The following DYNC1H1 variants were observed in gnomAD, a reference collection of about 807,000 sequenced individuals.
DYNC1H1 encodes dynein cytoplasmic 1 heavy chain 1, also known as cytoplasmic dynein 1 heavy chain 1.
A neutral mutation model predicts 527.1 loss-of-function variants in DYNC1H1; 51 were observed. The ratio of observed to expected loss-of-function variants is 0.10; its 90% CI spans 0.08 to 0.12. The LOEUF (loss-of-function observed/expected upper bound fraction) is 0.12, where lower values mean the gene tolerates loss of function less well. Among genes scored for constraint, DYNC1H1 ranks in the 10% least tolerant of loss-of-function variants. The pLI is 1.00. For missense variants in DYNC1H1, 2,771 were observed against 5,971.8 expected (o/e 0.46, Z 17.66); for synonymous variants, 2,189 against 2,278.8 (o/e 0.96, Z 1.12).
intron 23 of DYNC1H1, among the ~76,000 whole-genome samples, chr14:102,003,990 C>G (rs939170166): frequency 6.6e-6 from 1 of 151,692 alleles, no homozygotes; most frequent in African/African-American, 2.4e-5. Flanking sequence ...GCCTGTAATC[C>G]CAGCACTTTG....
chr14:102,040,941 G>T (rs568544048), intron 64 of DYNC1H1: 69 of 535,882 alleles, frequency 1.3e-4, no homozygotes, highest in African/African-American at 1.2e-3. Flanking sequence ...CTGGGCAGCA[G>T]ACAGAGGCCT....
intron 10 of DYNC1H1, among the ~76,000 whole-genome samples, chr14:101,989,364 A>C (rs904827567): frequency 6.6e-6 from 1 of 152,230 alleles, no homozygotes; most frequent in Non-Finnish European, 1.5e-5. Flanking sequence ...ATCCCCGGGA[A>C]GAAGGTGGCA....
Position 102,005,948 on chromosome 14 carries a change from A to G in DYNC1H1, c.5494A>G (p.Asn1832Asp), listed in dbSNP as rs1209197570. ...TRSLIKSKIDNAKSFEWLSQM... is the reference protein window; with the variant it reads ...TRSLIKSKIDDAKSFEWLSQM... The stretch of plus-strand genomic sequence containing the variant: ...GTCCTTGATCAAAAGCAAGATTGAC[A>G]ACGCCAAATCTTTTGAATGGCTCAG... The change falls in exon 27 of 78, where the codon AAC (asparagine) becomes GAC (aspartate). Residue 1832 changes from asparagine to aspartate, a missense_variant. By Grantham distance (23) the Asn-to-Asp change is conservative (BLOSUM62 1). Transcript: ENST00000360184. This position sits in a 1 kb window ranked among gnomAD's most constrained non-coding sequence, Gnocchi z 4.0. The G allele has an allele frequency of 6.2e-7, 1 of 1,614,282 alleles. No individual in the cohort carries two copies. Among genetic ancestry groups the G allele is most frequent in the Non-Finnish European group, 8.5e-7 (1 of 1,180,056 alleles).
chr14:102,032,091 TA>T (rs1490579722), intron 51 of DYNC1H1, among the ~76,000 whole-genome samples, 180 bp from the exon 52 acceptor site: 2 of 152,248 alleles, frequency 1.3e-5, no homozygotes, highest in Non-Finnish European at 2.9e-5. Flanking sequence ...AGAGATCAGC[TA>T]CTTACCCTAT....
intron 56 of DYNC1H1, chr14:102,035,522 T>G (rs1440823251): frequency 6.6e-6 from 1 of 152,178 alleles, no homozygotes; most frequent in African/African-American, 2.4e-5. Context: ...GAGTTCCACT[T>G]CTAGGTGTTC....
rs372518648 is a variant in DYNC1H1, at chr14:102,047,923, C to T, written c.13113C>T (p.Asp4371=). ...EKKTRTDSTS[D]GRPAWMRTLH... is the part of the protein sequence containing the mutation. ...AGACGAGGACAGACTCCACGTCCGA[C>T]GGGCGCCCTGCCTGGATGCGGACAC... The change falls in exon 73 of 78, where the codon GAC becomes GAT. Residue 4371 remains aspartate (D), a synonymous_variant. Coordinates refer to ENST00000360184, the MANE Select transcript of DYNC1H1 (RefSeq NM_001376.5). The T allele has an allele frequency of 2.7e-4, 442 of 1,613,418 alleles. No individual in the cohort carries two copies. The highest frequency in any genetic ancestry group is 3.5e-4 in the Non-Finnish European group (413 of 1,180,026).
Position 101,979,392 on chromosome 14 carries a change from C to T in DYNC1H1, c.418C>T (p.Leu140Phe). Reference protein sequence around the residue: ...PVSSQLRVLTLSEDSPYETLH... With the variant: ...PVSSQLRVLTFSEDSPYETLH... ...GTCTTCTCAGCTCCGGGTCCTTACA[C>T]TCAGTGAAGACTCGCCCTACGAAAC... is the stretch of plus-strand genomic sequence containing the variant. Residue 140 changes from leucine to phenylalanine, a missense_variant, in exon 3 of 78, where the codon CTC becomes TTC. Around this residue, in one of 32 missense-constraint regions of DYNC1H1, gnomAD observed 146 missense variants for 288.1 expected, o/e 0.51. Coordinates refer to ENST00000360184, the MANE Select transcript of DYNC1H1 (RefSeq NM_001376.5). The surrounding 1 kb of genome is among the most constrained non-coding windows in gnomAD (Gnocchi z 4.6). The T allele has an allele frequency of 6.2e-7, 1 of 1,614,210 alleles. No homozygotes were observed. Among genetic ancestry groups the T allele is most frequent in the Non-Finnish European group, 8.5e-7 (1 of 1,180,036 alleles).
rs1555408250 is a variant in DYNC1H1 at position 101,984,957 on chromosome 14, A to AG, written c.1462-728dup. Among the ~76,000 whole-genome samples, 6 of 146,596 alleles carry AG rather than the reference A, an allele frequency of 4.1e-5. No homozygotes were observed. The East Asian group carries it at 6.3e-4, about 15-fold the overall frequency. ...CAAAAAAAAAAAAAAAAAAAAAAAA[A>AG]GGAAAAGAAATAGGGTTTCACCATG... On this transcript the variant is annotated intron_variant, in intron 7 of 77. Transcript: ENST00000360184.
chr14:102,007,143 T>C, intron 28 of DYNC1H1, 35 bp downstream of exon 28: 1 of 1,602,192 alleles, frequency 6.2e-7, no homozygotes, highest in Non-Finnish European at 8.6e-7. Flanking sequence ...TAAAATGTAA[T>C]GCCCTGCAGG....
chr14:101,967,517 C>T (rs2047682019), intron 1 of DYNC1H1, among the ~76,000 whole-genome samples: 1 of 151,720 alleles, frequency 6.6e-6, no homozygotes, highest in Non-Finnish European at 1.5e-5. Context: ...TTTTAGCTAC[C>T]CCAGCTAGCC....
chr14:102,036,179 A>G lies in DYNC1H1; in HGVS notation c.10755-310A>G, dbSNP rs529314036. 6 of 363,514 alleles carry G rather than the reference A, an allele frequency of 1.7e-5. No individual in the cohort carries two copies. Among genetic ancestry groups the G allele is most frequent in the South Asian group, 6.9e-5 (3 of 43,294 alleles). The allele number at this position is 363,514 out of a possible 1,614,324, so 22.5% of individuals were successfully genotyped here. ...CTGTCTAGAAGGATCGTAAACATGAAAAAGCTATTCTAACAGTGCAGGATG... is the reference window on the plus strand; with the variant it reads ...CTGTCTAGAAGGATCGTAAACATGAGAAAGCTATTCTAACAGTGCAGGATG... On this transcript the variant is annotated intron_variant, in intron 56 of 77. Coordinates refer to ENST00000360184, the MANE Select transcript of DYNC1H1 (RefSeq NM_001376.5). This position sits in a 1 kb window ranked among gnomAD's most constrained non-coding sequence, Gnocchi z 5.6.
chr14:102,033,476 G>A lies in DYNC1H1; in HGVS notation c.10405G>A (p.Glu3469Lys). The change falls in exon 54 of 78, where the codon GAG becomes AAG. Residue 3469 changes from glutamate (E) to lysine (K), a missense_variant. By Grantham distance (56) the Glu-to-Lys change is moderately conservative. Transcript: ENST00000360184. This position sits in a 1 kb window ranked among gnomAD's most constrained non-coding sequence, Gnocchi z 5.6. ...CATCAAGGCAGACCTGGCAGCTGTC[G>A]AGGCAAAAGTAAGATTATCATCATT... ...QAIKADLAAV[E>K]AKVNRSTALL... is the part of the protein sequence containing the mutation. The A allele has an allele frequency of 1.9e-6, 3 of 1,614,028 alleles. No individual in the cohort carries two copies. Among genetic ancestry groups the A allele is most frequent in the Non-Finnish European group, 2.5e-6 (3 of 1,180,026 alleles).
chr14:102,030,058 G>A, intron 50 of DYNC1H1, 104 bp from the exon 51 acceptor site: 1 of 411,322 alleles, frequency 2.4e-6, no homozygotes, highest in South Asian at 4.6e-5. Context: ...GGGAGAGAGA[G>A]TGTGTGTGTG....
chr14:102,025,282 G>A (rs964657072), intron 43 of DYNC1H1, among the ~76,000 whole-genome samples: 1 of 152,018 alleles, frequency 6.6e-6, no homozygotes, highest in Non-Finnish European at 1.5e-5. Context: ...CTGCATGCCT[G>A]TAATCTCAGC....
Position 102,044,822 on chromosome 14 carries a change from T to G in DYNC1H1, c.13006+124T>G. 8.7e-7 allele frequency: 1 copy of G among 1,149,250 alleles called. No homozygotes were observed. Among genetic ancestry groups the G allele is most frequent in the Non-Finnish European group, 1.3e-6 (1 of 790,654 alleles). The allele number at this position is 1,149,250 out of a possible 1,614,324, so 71.2% of individuals were successfully genotyped here. A position where few individuals can be genotyped will look rare whatever the true frequency, so the allele number is the denominator to read the frequency against. On this transcript the variant is annotated intron_variant, in intron 72 of 77. Transcript: ENST00000360184. The surrounding 1 kb of genome is among the most constrained non-coding windows in gnomAD (Gnocchi z 7.1). ...CTGCTGTCCCAGGGCCCTCCCTGGT[T>G]ATGCTGGGTGTGGCTCTGTCAGCCT... is the stretch of plus-strand genomic sequence containing the variant.
Position 102,018,099 on chromosome 14 carries a change from C to T in DYNC1H1, c.8178-352C>T, listed in dbSNP as rs758934271. ...CCAGCCTGGGCAACAGAGCAAGACT[C>T]CATCTCAAAATAAATAAATAAATAA... is the stretch of plus-strand genomic sequence containing the variant. On this transcript the variant is annotated intron_variant, in intron 40 of 77. Transcript: ENST00000360184. This position sits in a 1 kb window ranked among gnomAD's most constrained non-coding sequence, Gnocchi z 5.2. 6.6e-5 allele frequency: 17 copies of T among 259,056 alleles called. No individual in the cohort carries two copies. The highest frequency in any genetic ancestry group is 1.1e-4 in the Non-Finnish European group (14 of 131,668). 16.0% of individuals were successfully genotyped at this position (259,056 alleles called of 1,614,324 possible). A position where few individuals can be genotyped will look rare whatever the true frequency, so the allele number is the denominator to read the frequency against.
intron 72 of DYNC1H1, chr14:102,047,608 T>C: frequency 2.5e-6 from 1 of 402,278 alleles, no homozygotes; most frequent in Non-Finnish European, 4.4e-6. Flanking sequence ...TACACATATA[T>C]GTATATATAC....
rs186102363 is a variant in DYNC1H1 at position 102,053,988 on chromosome 14, C to T, written c.*3425C>T. 1,032 of 152,352 alleles carry T rather than the reference C, an allele frequency of 6.8e-3. 8 individuals are homozygous for T. The highest frequency in any genetic ancestry group is 0.013 in the Admixed American group (205 of 15,274). 9.4% of individuals were successfully genotyped at this position (152,352 alleles called of 1,614,324 possible). On this transcript the variant is annotated 3_prime_UTR_variant, in exon 78 of 78. Transcript: ENST00000360184. ...TCCAGGGCTCAAGCAATCCACCCACCTCAACCTCCCAAAGTGCTGGGATTA... is the reference window on the plus strand; with the variant it reads ...TCCAGGGCTCAAGCAATCCACCCACTTCAACCTCCCAAAGTGCTGGGATTA...
At chr14:102,046,647 G>A (rs1427994448) in intron 72 of DYNC1H1, among the ~76,000 whole-genome samples, 1 of 152,218 alleles carries the variant, frequency 6.6e-6, no homozygotes. Flanking sequence ...AAGAGGGCAG[G>A]TGGCACCCCC....
Sources: allele counts gnomAD v4.1 joint callset (sites outside exome capture counted in the v4.1 genomes callset), GRCh38; gene constraint gnomAD v4.1.1; regional missense constraint gnomAD v4.1.1; non-coding constraint Gnocchi (gnomAD v3.1); transcripts MANE v1.5; gene names NCBI Gene and HGNC (gene_info 2026-07-23, HGNC 2026-07-21).